The following NOTCH2NLB variants were observed in gnomAD, a reference collection of about 807,000 sequenced individuals.
NOTCH2NLB encodes notch homolog 2 N-terminal-like protein B.
NOTCH2NLB carries 1 observed loss-of-function variant against 14.8 expected under a neutral mutation model. The ratio of observed to expected loss-of-function variants is 0.07; its 90% confidence interval spans 0.02 to 0.32. The LOEUF is 0.32. Among genes scored for constraint, NOTCH2NLB ranks in the 10% least tolerant of loss-of-function variants. The probability of loss-of-function intolerance (pLI) is 1.00; values close to 1 mark genes in which losing one functional copy is unlikely to be tolerated. For missense variants in NOTCH2NLB, 11 were observed against 155.0 expected (o/e 0.07, Z 4.93); for synonymous variants, 6 against 57.5 (o/e 0.10, Z 4.05).
At chr1:148,661,325 A>G (rs1664677693) in intron 1 of NOTCH2NLB, among the ~76,000 whole-genome samples, 1 of 149,992 alleles carries the variant, frequency 6.7e-6, no homozygotes, top group Non-Finnish European at 1.5e-5. Flanking sequence ...AACAATTCCA[A>G]GGTCTATTCC....
intron 3 of NOTCH2NLB, among the ~76,000 whole-genome samples, chr1:148,608,553 A>G (rs1571085812): frequency 1.3e-5 from 2 of 151,992 alleles, no homozygotes; most frequent in African/African-American, 2.4e-5. Flanking sequence ...CTTCTATTAT[A>G]CCACCTGCCA....
At chr1:148,651,156 A>ATATATATAT (rs1422306675) in intron 1 of NOTCH2NLB, among the ~76,000 whole-genome samples, 2 of 80,248 alleles carry the variant, frequency 2.5e-5, no homozygotes, top group African/African-American at 9.5e-5. Context: ...AAAAAAAAAA[A>ATATATATAT]AAAAAAATAT....
intron 1 of NOTCH2NLB, among the ~76,000 whole-genome samples, chr1:148,673,453 T>TC (rs1664789063): frequency 1.3e-5 from 1 of 75,354 alleles, no homozygotes; most frequent in Non-Finnish European, 3.0e-5. Context: ...CATGAGCTAA[T>TC]GAAGCAGAAA....
intron 1 of NOTCH2NLB, among the ~76,000 whole-genome samples, chr1:148,673,754 C>T (rs1664798373): frequency 6.6e-6 from 1 of 150,956 alleles, no homozygotes; most frequent in East Asian, 2.0e-4. Context: ...AAAATGACCA[C>T]AGGATCTAGC....
chr1:148,638,434 G>A (rs1480058485), intron 2 of NOTCH2NLB, among the ~76,000 whole-genome samples: 3 of 148,758 alleles, frequency 2.0e-5, no homozygotes, highest in Non-Finnish European at 4.5e-5. Flanking sequence ...AATAAAGCAA[G>A]CAACTAAGGC....
chr1:148,701,403 AT>A, the NOTCH2NLB span, among the ~76,000 whole-genome samples: 1 of 127,532 alleles, frequency 7.8e-6, no homozygotes, highest in Non-Finnish European at 1.7e-5. Context: ...CCCAATGAGT[AT>A]GTTTGTAGCC....
At chr1:148,651,171 A>C (rs2149625821) in intron 1 of NOTCH2NLB, among the ~76,000 whole-genome samples, 1 of 105,806 alleles carries the variant, frequency 9.5e-6, no homozygotes, top group South Asian at 3.1e-4. Flanking sequence ...AAATATATAT[A>C]TATATATATA....
At chr1:148,610,323 G>GAGAGAGAA (rs1553339618) in intron 3 of NOTCH2NLB, among the ~76,000 whole-genome samples, 1 of 45,572 alleles carries the variant, frequency 2.2e-5, no homozygotes, top group African/African-American at 1.1e-4. Context: ...GAGAAAGAGA[G>GAGAGAGAA]AGAAAGAAAG....
chr1:148,605,045 A>G (rs1663468230), downstream of NOTCH2NLB, among the ~76,000 whole-genome samples: 1 of 142,076 alleles, frequency 7.0e-6, no homozygotes, highest in Non-Finnish European at 1.5e-5. Context: ...TGGTTTTCTT[A>G]TAACATGAAC....
chr1:148,649,694 A>C, intron 1 of NOTCH2NLB, among the ~76,000 whole-genome samples: 1 of 149,850 alleles, frequency 6.7e-6, no homozygotes, highest in African/African-American at 2.5e-5. Flanking sequence ...TTGTATTTTT[A>C]GTAGAGACAG....
chr1:148,684,571 CAG>C (rs1293320655), upstream of NOTCH2NLB, among the ~76,000 whole-genome samples: 20 of 102,102 alleles, frequency 2.0e-4, no homozygotes, highest in Non-Finnish European at 3.4e-4. Context: ...ACTGTGAAGA[CAG>C]ACTAATACAG....
rs1356632506 is a variant in NOTCH2NLB at position 148,677,013 on chromosome 1, C to T, written c.3+2449G>A. Among the ~76,000 whole-genome samples, 2 of 50,008 alleles carry T rather than the reference C, an allele frequency of 4.0e-5. 1 individual carries two copies. Among genetic ancestry groups the T allele is most frequent in the Admixed American group, 4.4e-4 (2 of 4,544 alleles). 32.8% of individuals were successfully genotyped at this position (50,008 alleles called of 152,430 possible). Reference sequence around the variant, plus strand: ...ATCACCATCTGAAAGAAAATTACTCCGATTTTGTTTAAGCAAGAGAAGAAT... The same window carrying T: ...ATCACCATCTGAAAGAAAATTACTCTGATTTTGTTTAAGCAAGAGAAGAAT... On this transcript the variant is annotated intron_variant, in intron 1 of 4. Transcript: ENST00000593495.
chr1:148,660,520 G>A (rs1664648140), intron 1 of NOTCH2NLB, among the ~76,000 whole-genome samples: 1 of 147,238 alleles, frequency 6.8e-6, no homozygotes, highest in Admixed American at 6.8e-5. Context: ...ATGTGACTCT[G>A]CATTAGATCT....
At chr1:148,622,865 C>T (rs1354401934) in intron 2 of NOTCH2NLB, among the ~76,000 whole-genome samples, 1 of 83,474 alleles carries the variant, frequency 1.2e-5, no homozygotes, top group Non-Finnish European at 2.0e-5. Flanking sequence ...TCATTCATTC[C>T]TTTTAAATCC....
intron 1 of NOTCH2NLB, among the ~76,000 whole-genome samples, chr1:148,656,093 T>TC (rs1664536968): frequency 1.1e-5 from 1 of 92,150 alleles, no homozygotes; most frequent in Non-Finnish European, 2.0e-5. Context: ...AACATATGCA[T>TC]ACATGGTTTA....
downstream of NOTCH2NLB, among the ~76,000 whole-genome samples, chr1:148,604,986 CACACAT>C (rs1250252527): frequency 8.4e-5 from 12 of 142,386 alleles, 1 homozygote; most frequent in South Asian, 2.3e-4. Context: ...CACACACACA[CACACAT>C]TGATATGTAA....
At position 148,679,472 on chromosome 1, in the gene NOTCH2NLB, G is replaced by A; in HGVS notation, c.-8C>T. The A allele has an allele frequency of 1.8e-6, 2 of 1,100,052 alleles. 1 individual carries two copies. Among genetic ancestry groups the A allele is most frequent in the Non-Finnish European group, 2.3e-6 (2 of 857,032 alleles). The allele number at this position is 1,100,052 out of a possible 1,614,324, so 68.1% of individuals were successfully genotyped here. ...CAGCCCGATACTCACCATGCGCGGGGGTCGCGCAGCACAGCCAGAGCGCCA... is the reference window on the plus strand; with the variant it reads ...CAGCCCGATACTCACCATGCGCGGGAGTCGCGCAGCACAGCCAGAGCGCCA... On this transcript the variant is annotated 5_prime_UTR_variant, in exon 1 of 5. Coordinates refer to ENST00000593495, the Ensembl canonical transcript of NOTCH2NLB.
chr1:148,670,794 T>A (rs1482705642), intron 1 of NOTCH2NLB, among the ~76,000 whole-genome samples: 2 of 75,768 alleles, frequency 2.6e-5, no homozygotes, highest in Non-Finnish European at 5.7e-5. Flanking sequence ...AAATATGAGT[T>A]AATTATCTGT....
chr1:148,670,721 T>C (rs1448956979), intron 1 of NOTCH2NLB, among the ~76,000 whole-genome samples: 5 of 108,032 alleles, frequency 4.6e-5, no homozygotes, highest in Non-Finnish European at 8.1e-5. Flanking sequence ...CAAACATAAT[T>C]ACTTTTTATA....
Sources: allele counts gnomAD v4.1 joint callset (sites outside exome capture counted in the v4.1 genomes callset), GRCh38; gene constraint gnomAD v4.1.1; transcripts MANE v1.5; gene names NCBI Gene and HGNC (gene_info 2026-07-23, HGNC 2026-07-21).